THSD7B: variants seen among roughly 807,000 people sequenced by gnomAD.
THSD7B encodes the protein thrombospondin type 1 domain containing 7B, also known as thrombospondin type-1 domain-containing protein 7B.
Under a neutral mutation model 213.6 loss-of-function variants are expected in THSD7B, and 138 were observed. The ratio of observed to expected loss-of-function variants is 0.65; its 90% CI spans 0.56 to 0.74. The LOEUF is 0.74. THSD7B is among the 30% of genes least tolerant of loss of function. The probability of loss-of-function intolerance (pLI) is 0.00; values close to 1 mark genes in which losing one functional copy is unlikely to be tolerated. For synonymous variants in THSD7B, 742 were observed against 687.0 expected (o/e 1.08, Z -1.25); for missense variants, 1,931 against 1,991.5 (o/e 0.97, Z 0.58).
At chr2:137,513,293 A>C (rs1478330642) in intron 15 of THSD7B, among the ~76,000 whole-genome samples, 1 of 152,242 alleles carries the variant, frequency 6.6e-6, no homozygotes, top group Admixed American at 6.5e-5. Flanking sequence ...TTTTACTGCG[A>C]CACATATCTG....
chr2:137,572,284 G>A (rs1681369591), intron 16 of THSD7B, 122 bp from the exon 17 acceptor site: 2 of 1,222,306 alleles, frequency 1.6e-6, no homozygotes, highest in Admixed American at 2.5e-5. Context: ...GTTCCCCTTG[G>A]TTTCTGTGCT....
intron 9 of THSD7B, among the ~76,000 whole-genome samples, chr2:137,238,885 C>T (rs1157222266): frequency 6.6e-6 from 1 of 152,028 alleles, no homozygotes. Flanking sequence ...TTGTTATGCT[C>T]ATTGAATCAA....
At chr2:137,345,383 A>G (rs919600228) in intron 12 of THSD7B, among the ~76,000 whole-genome samples, 1 of 151,904 alleles carries the variant, frequency 6.6e-6, no homozygotes, top group African/African-American at 2.4e-5. Flanking sequence ...AAAATAATTT[A>G]TAAGCTAGAA....
intron 15 of THSD7B, chr2:137,451,950 C>T (rs1573633799): frequency 2.3e-6 from 1 of 427,152 alleles, no homozygotes; most frequent in Admixed American, 6.4e-5. Flanking sequence ...TTTCTATCCT[C>T]TCAATTCCAT....
At chr2:136,975,400 A>G (rs34098512) in intron 2 of THSD7B, among the ~76,000 whole-genome samples, 17,102 of 152,198 alleles carry the variant, frequency 0.11, 1,099 homozygotes, top group African/African-American at 0.17. Context: ...AATCTTCTGC[A>G]TAGGGCTAGC....
intron 10 of THSD7B, among the ~76,000 whole-genome samples, chr2:137,248,921 C>T (rs1037949182): frequency 2.0e-5 from 3 of 152,184 alleles, no homozygotes; most frequent in Admixed American, 6.5e-5. Context: ...GTATAGCTCA[C>T]ATCGATGTCT....
At chr2:136,979,252 T>C (rs1172472906) in intron 2 of THSD7B, among the ~76,000 whole-genome samples, 1 of 152,028 alleles carries the variant, frequency 6.6e-6, no homozygotes, top group Admixed American at 6.6e-5. Flanking sequence ...CCTTGGAAAA[T>C]CTGATGATTA....
At chr2:137,351,230 T>G (rs1470892931) in intron 12 of THSD7B, among the ~76,000 whole-genome samples, 2 of 151,912 alleles carry the variant, frequency 1.3e-5, no homozygotes, top group Non-Finnish European at 2.9e-5. Context: ...TAGATGCTAT[T>G]TAATAATATA....
At chr2:137,382,475 G>A (rs1362644200) in intron 12 of THSD7B, among the ~76,000 whole-genome samples, 5 of 152,216 alleles carry the variant, frequency 3.3e-5, no homozygotes, top group East Asian at 1.9e-4. Context: ...ACTTGAGAAC[G>A]CCAGTAGGTT....
intron 2 of THSD7B, among the ~76,000 whole-genome samples, chr2:136,927,265 C>G (rs541153377): frequency 4.1e-4 from 48 of 118,506 alleles, no homozygotes; most frequent in African/African-American, 1.4e-3. Flanking sequence ...ACATAATTAA[C>G]TTGTTTTAGT....
chr2:137,583,173 C>G (rs896894916), intron 17 of THSD7B, among the ~76,000 whole-genome samples: 29 of 152,116 alleles, frequency 1.9e-4, no homozygotes, highest in Non-Finnish European at 1.5e-5. Flanking sequence ...CCTTTGCCCA[C>G]TTTTTGATGG....
chr2:137,481,699 T>C (rs1688308294), intron 15 of THSD7B, among the ~76,000 whole-genome samples: 1 of 152,164 alleles, frequency 6.6e-6, no homozygotes, highest in Non-Finnish European at 1.5e-5. Context: ...TTAGACTGAA[T>C]TTTACCTTTG....
At chr2:137,449,400 A>G (rs1261095582) in intron 14 of THSD7B, among the ~76,000 whole-genome samples, 4 of 152,212 alleles carry the variant, frequency 2.6e-5, no homozygotes, top group Non-Finnish European at 5.9e-5. Flanking sequence ...CACATCTCAA[A>G]ACAACCTTTA....
At chr2:137,443,128 C>T (rs78109372) in intron 14 of THSD7B, among the ~76,000 whole-genome samples, 21,417 of 152,034 alleles carry the variant, frequency 0.14, 1,974 homozygotes, top group South Asian at 0.33. Context: ...TCCTCAATAT[C>T]GTCTAAGGAA....
intron 10 of THSD7B, among the ~76,000 whole-genome samples, chr2:137,267,357 G>A (rs1318647899): frequency 2.0e-5 from 3 of 152,110 alleles, no homozygotes; most frequent in Non-Finnish European, 4.4e-5. Context: ...GCCTAATGAG[G>A]TTGGAAACAT....
Position 137,056,643 on chromosome 2 carries a change from CGGT to C in THSD7B, c.365_367del (p.Gly122del), listed in dbSNP as rs1687168184. ...ACTGTGTGCTTGTTCCTTACGCTCG[CGGT>C]GAAGTCAAGCCTCGGACTGCAGAGT... On this transcript the variant is annotated inframe_deletion, in exon 3 of 28. Transcript: ENST00000409968. The C allele has an allele frequency of 6.2e-7, 1 of 1,613,828 alleles. No individual in the cohort carries two copies. The highest frequency in any genetic ancestry group is 1.1e-5 in the South Asian group (1 of 91,084).
rs562630164 is a variant in THSD7B, at chr2:137,414,458, C to A, written c.2959+2586C>A. ...TTGGGGTATGGCACTGTGGCTCATGCCTGTAATCCCAGCACTTTGGGAGGC... is the reference window on the plus strand; with the variant it reads ...TTGGGGTATGGCACTGTGGCTCATGACTGTAATCCCAGCACTTTGGGAGGC... On this transcript the variant is annotated intron_variant, in intron 14 of 27. Coordinates refer to ENST00000409968, the MANE Select transcript of THSD7B (RefSeq NM_001316349.2). Among the ~76,000 whole-genome samples, 64 of 152,050 alleles carry A rather than the reference C, an allele frequency of 4.2e-4. 1 individual carries two copies. The highest frequency in any genetic ancestry group is 6.5e-4 in the Admixed American group (10 of 15,270).
chr2:136,953,818 T>C (rs1042927910), intron 2 of THSD7B, among the ~76,000 whole-genome samples: 2 of 152,196 alleles, frequency 1.3e-5, no homozygotes, highest in East Asian at 3.8e-4. Context: ...TCATGGACAC[T>C]CTCTAGTTTA....
At chr2:137,611,818 C>A (rs1376951470) in intron 17 of THSD7B, among the ~76,000 whole-genome samples, 1 of 152,030 alleles carries the variant, frequency 6.6e-6, no homozygotes, top group African/African-American at 2.4e-5. Context: ...CCTTTTAAAT[C>A]CCTATTATGT....
Sources: gnomAD v4.1 joint callset for allele counts (sites outside exome capture counted in the v4.1 genomes callset) on GRCh38, gnomAD v4.1.1 for gene constraint, MANE v1.5 for transcripts, NCBI Gene and HGNC (gene_info 2026-07-23, HGNC 2026-07-21) for gene names.